The following MEG3 variants were observed in gnomAD, a reference collection of about 807,000 sequenced individuals.
The protein encoded by MEG3 is Very putative protein from MEG3 locus.
intron 1 of MEG3, among the ~76,000 whole-genome samples, chr14:100,827,958 C>T (rs377022305): frequency 1.3e-5 from 2 of 152,310 alleles, no homozygotes; most frequent in African/African-American, 4.8e-5. Flanking sequence ...GGTGGCCCAC[C>T]TTCCTCTGGG....
exon 1 of MEG3, chr14:100,835,093 A>T: frequency 3.0e-6 from 1 of 336,436 alleles, no homozygotes; most frequent in South Asian, 2.3e-5. Flanking sequence ...GGCTCCATAG[A>T]GGTAGGCCGG....
At chr14:100,834,630 A>T (rs1399674105) in exon 1 of MEG3, 1 of 452,718 alleles carries the variant, frequency 2.2e-6, no homozygotes, top group African/African-American at 2.0e-5. Context: ...GTCCCTCCCC[A>T]GTTCCTGACC....
At chr14:100,853,937 C>T (rs2038164798), upstream of MEG3, 1 of 152,052 alleles carries the variant, frequency 6.6e-6, no homozygotes, top group African/African-American at 2.4e-5. Context: ...ATGTTGTAGA[C>T]TATAAATAAA....
downstream of MEG3, chr14:100,830,739 C>T (rs995426904): frequency 4.6e-5 from 7 of 152,294 alleles, no homozygotes; most frequent in East Asian, 1.9e-4. Context: ...GAATTTCTTT[C>T]GTCCCGTTTT....
chr14:100,827,092 G>A (rs1353368437), intron 1 of MEG3, among the ~76,000 whole-genome samples: 1 of 152,116 alleles, frequency 6.6e-6, no homozygotes, highest in East Asian at 1.9e-4. Flanking sequence ...ATGGGGTGCC[G>A]CGGGGGTCTT....
Position 100,845,257 on chromosome 14 carries a change from C to T in MEG3, n.3046-201C>T, listed in dbSNP as rs951285046. On this transcript the variant is annotated intron_variant and non_coding_transcript_variant, in intron 2 of 3. Transcript: ENST00000398461. The surrounding 1 kb of genome is among the most constrained non-coding windows in gnomAD (Gnocchi z 5.2). Reference sequence around the variant, plus strand: ...TCCATGTCTCCACACCTGCCCCTTCCGCTCCATAGGCAGCTGGTGGGTGAG... The same window carrying T: ...TCCATGTCTCCACACCTGCCCCTTCTGCTCCATAGGCAGCTGGTGGGTGAG... 8.2e-4 allele frequency among the ~76,000 whole-genome samples: 125 copies of T among 152,342 alleles called. No homozygotes were observed. Among genetic ancestry groups the T allele is most frequent in the African/African-American group, 2.9e-3 (121 of 41,580 alleles).
At chr14:100,835,128 A>C (rs1434133736) in exon 1 of MEG3, 1 of 321,132 alleles carries the variant, frequency 3.1e-6, no homozygotes, top group Non-Finnish European at 6.2e-6. Flanking sequence ...GATTCAAGCT[A>C]TCCCCAGGGC....
At chr14:100,834,974 G>A (rs958112957) in exon 1 of MEG3, 10 of 386,214 alleles carry the variant, frequency 2.6e-5, no homozygotes, top group South Asian at 1.3e-4. Context: ...GCACGCCCAC[G>A]GCCCTGGTCT....
intron 1 of MEG3, among the ~76,000 whole-genome samples, chr14:100,828,203 G>A (rs2139933440): frequency 6.6e-6 from 1 of 152,188 alleles, no homozygotes; most frequent in African/African-American, 2.4e-5. Context: ...GGTGGCTGCT[G>A]CACTCCTGGG....
chr14:100,860,053 GGC>G (rs1566743775), exon 1 of MEG3: 1 of 153,478 alleles, frequency 6.5e-6, no homozygotes, highest in African/African-American at 2.4e-5. Flanking sequence ...CTCTCATCCC[GGC>G]TCTCCTGGTG....
upstream of MEG3, chr14:100,856,260 C>G (rs1387225025): frequency 6.6e-6 from 1 of 152,374 alleles, no homozygotes; most frequent in Non-Finnish European, 1.5e-5. Context: ...CCTGCAGGTC[C>G]CAGACCAGGT....
At chr14:100,847,933 G>T (rs902784536) in intron 3 of MEG3, 1 of 152,090 alleles carries the variant, frequency 6.6e-6, no homozygotes, top group African/African-American at 2.4e-5. Context: ...AGGAAGGAAG[G>T]ATGCTATGAA....
chr14:100,828,202 T>C (rs998930966), intron 1 of MEG3, among the ~76,000 whole-genome samples: 2 of 152,020 alleles, frequency 1.3e-5, no homozygotes, highest in Admixed American at 6.5e-5. Flanking sequence ...AGGTGGCTGC[T>C]GCACTCCTGG....
intron 3 of MEG3, chr14:100,848,151 A>T (rs542038184): frequency 6.6e-6 from 1 of 152,330 alleles, no homozygotes; most frequent in South Asian, 2.1e-4. Context: ...GAGAGGTAAT[A>T]TATTAAGGAA....
chr14:100,858,259 G>A (rs76015592), exon 1 of MEG3: 3,709 of 152,922 alleles, frequency 0.024, 122 homozygotes, highest in Admixed American at 0.09. Context: ...GCAGGGATGA[G>A]GAAGGAGGCT....
chr14:100,857,842 C>G (rs534979213), exon 1 of MEG3: 1 of 152,140 alleles, frequency 6.6e-6, no homozygotes, highest in Non-Finnish European at 1.5e-5. Flanking sequence ...GTGGGGTGAC[C>G]TAGAGAGAGG....
At chr14:100,828,073 C>A (rs11624152) in intron 1 of MEG3, among the ~76,000 whole-genome samples, 1 of 151,896 alleles carries the variant, frequency 6.6e-6, no homozygotes, top group Non-Finnish European at 1.5e-5. Context: ...GAGAGGCGTC[C>A]AGGGGGCGTA....
At chr14:100,854,672 TC>T (rs1179150778), upstream of MEG3, 1 of 152,474 alleles carries the variant, frequency 6.6e-6, no homozygotes, top group African/African-American at 2.4e-5. Flanking sequence ...GACAGCCACA[TC>T]CTAGCACCCT....
chr14:100,828,441 C>T lies in MEG3; in HGVS notation n.372-267C>T, dbSNP rs1217143819. On this transcript the variant is annotated intron_variant and non_coding_transcript_variant, in intron 1 of 2. Transcript: ENST00000556407. ...TTCTTCTCCCTCCTCCCTCTTTCCT[C>T]TTCCCTCCTCCCTCTTCCCCCCTCA... Among the ~76,000 whole-genome samples, 10 of 146,454 alleles carry T rather than the reference C, an allele frequency of 6.8e-5. 1 individual carries two copies. Among genetic ancestry groups the T allele is most frequent in the Non-Finnish European group, 1.4e-4 (9 of 66,292 alleles).
Sources: gnomAD v4.1 joint callset for allele counts (sites outside exome capture counted in the v4.1 genomes callset) on GRCh38, gnomAD v4.1.1 for gene constraint, Gnocchi (gnomAD v3.1) non-coding constraint, MANE v1.5 for transcripts, NCBI Gene and HGNC (gene_info 2026-07-23, HGNC 2026-07-21) for gene names.